Variants in BTRC observed in about 807,000 individuals in gnomAD.
The protein encoded by BTRC is beta-transducin repeat containing E3 ubiquitin protein ligase, also known as F-box/WD repeat-containing protein 1A.
BTRC carries 42 observed loss-of-function variants against 85.5 expected under a neutral mutation model. That is an observed-to-expected ratio of 0.49 (90% CI 0.38 to 0.64). The LOEUF is 0.64. Ranked by LOEUF, BTRC falls within the 30% of genes least tolerant of loss-of-function variation. BTRC has a pLI of 0.00. For missense variants in BTRC, 594 were observed against 743.5 expected, an observed-to-expected ratio of 0.80 and a Z score of 2.34; for synonymous variants, 255 against 263.3, an observed-to-expected ratio of 0.97 and a Z score of 0.30.
rs190790852 is a variant in BTRC, at chr10:101,382,337, A to C, written c.48+28109A>C. The stretch of plus-strand genomic sequence containing the variant: ...AAAAAATCCAGGATCCAATCATGTT[A>C]TATATAATATCTCTTTAGTTTCCTT... On this transcript the variant is annotated intron_variant, in intron 1 of 14. Transcript: ENST00000370187. Among the ~76,000 whole-genome samples, 323 of 152,116 alleles carry C rather than the reference A, an allele frequency of 2.1e-3. 3 individuals are homozygous for C. Among genetic ancestry groups the C allele is most frequent in the African/African-American group, 7.3e-3 (301 of 41,500 alleles).
chr10:101,519,935 C>T (rs1318474500), intron 4 of BTRC, among the ~76,000 whole-genome samples: 1 of 151,930 alleles, frequency 6.6e-6, no homozygotes, highest in Non-Finnish European at 1.5e-5. Flanking sequence ...GCAGAGGTTG[C>T]AGTGAGCCGA....
chr10:101,436,222 C>T (rs1031002869), intron 2 of BTRC, among the ~76,000 whole-genome samples: 1 of 151,938 alleles, frequency 6.6e-6, no homozygotes. Flanking sequence ...AAATGGTGAT[C>T]CTATAATCTA....
At chr10:101,537,019 G>C (rs769359871) in intron 12 of BTRC, among the ~76,000 whole-genome samples, 5 of 152,154 alleles carry the variant, frequency 3.3e-5, no homozygotes, top group Non-Finnish European at 5.9e-5. Flanking sequence ...AGTATTTGGG[G>C]ACTTAGTGTG....
At chr10:101,387,704 T>C (rs1365795918) in intron 1 of BTRC, among the ~76,000 whole-genome samples, 1 of 151,092 alleles carries the variant, frequency 6.6e-6, no homozygotes, top group African/African-American at 2.4e-5. Flanking sequence ...TTTTTTTTTT[T>C]CTTGAGACGG....
At chr10:101,427,528 TTTTC>T (rs1460022569) in intron 1 of BTRC, among the ~76,000 whole-genome samples, 14 of 151,164 alleles carry the variant, frequency 9.3e-5, no homozygotes, top group Admixed American at 7.9e-4. Context: ...TCTTACTTTC[TTTTC>T]TTTCTTCTTT....
intron 3 of BTRC, among the ~76,000 whole-genome samples, chr10:101,463,476 G>A (rs1263837601): frequency 6.6e-6 from 1 of 152,090 alleles, no homozygotes; most frequent in African/African-American, 2.4e-5. Flanking sequence ...CACCACACCT[G>A]GCCCTGTATT....
At chr10:101,402,702 A>T (rs1345393016) in intron 1 of BTRC, among the ~76,000 whole-genome samples, 2 of 152,212 alleles carry the variant, frequency 1.3e-5, no homozygotes, top group Non-Finnish European at 2.9e-5. Flanking sequence ...AAGTGTATAG[A>T]AATTAAGTGA....
chr10:101,366,940 ATATATATTTAT>A (rs1942442897), intron 1 of BTRC, among the ~76,000 whole-genome samples: 1 of 12,956 alleles, frequency 7.7e-5, no homozygotes, highest in South Asian at 1.6e-3. Flanking sequence ...ATATATATTT[ATATATATTTAT>A]ATATATATTT....
intron 3 of BTRC, among the ~76,000 whole-genome samples, chr10:101,473,465 C>CTTTTTTTT (rs869163139): frequency 8.3e-5 from 8 of 96,746 alleles, no homozygotes; most frequent in South Asian, 3.8e-4. Context: ...TCTTTTTTCT[C>CTTTTTTTT]TTTTTTTTTT....
intron 1 of BTRC, among the ~76,000 whole-genome samples, chr10:101,418,502 AATAC>A (rs1469095204): frequency 4.6e-5 from 3 of 64,766 alleles, no homozygotes; most frequent in Non-Finnish European, 1.5e-4. Flanking sequence ...ATGAATACTT[AATAC>A]TTATTTTCAA....
intron 4 of BTRC, among the ~76,000 whole-genome samples, chr10:101,519,718 A>G (rs1028213375): frequency 5.9e-5 from 9 of 152,126 alleles, no homozygotes; most frequent in African/African-American, 2.2e-4. Context: ...GGGACCAGCC[A>G]GGTGCAGTGG....
At chr10:101,521,993 C>T in intron 5 of BTRC, 123 bp downstream of exon 5, 1 of 222,220 alleles carries the variant, frequency 4.5e-6, no homozygotes, top group Non-Finnish European at 8.0e-6. Context: ...AGTTCCTTAA[C>T]TGTACCTTTT....
chr10:101,518,557 G>A (rs941195711), intron 4 of BTRC, among the ~76,000 whole-genome samples: 1 of 152,172 alleles, frequency 6.6e-6, no homozygotes, highest in African/African-American at 2.4e-5. Flanking sequence ...TAGCATTCAT[G>A]TAGAGGGAGG....
Position 101,461,967 on chromosome 10 carries a change from A to T in BTRC, c.157-14A>T, listed in dbSNP as rs769098517. On this transcript the variant is annotated splice_polypyrimidine_tract_variant and intron_variant, in intron 2 of 14. Coordinates refer to ENST00000370187, the MANE Select transcript of BTRC (RefSeq NM_033637.4). ...GATAATGAGAACTGAATTAAAGCTT[A>T]CTTTCTTTCACAGAATTCCTCAGAG... 1.1e-5 allele frequency: 18 copies of T among 1,586,548 alleles called. No homozygotes were observed. In the South Asian group the frequency reaches 2.0e-4, roughly 18 times the overall value.
At chr10:101,504,161 A>G (rs1365778109) in intron 4 of BTRC, among the ~76,000 whole-genome samples, 1 of 152,214 alleles carries the variant, frequency 6.6e-6, no homozygotes, top group Non-Finnish European at 1.5e-5. Flanking sequence ...CATCTAGGTG[A>G]ACAACCTCCA....
chr10:101,427,123 T>C (rs1422919549), intron 1 of BTRC, among the ~76,000 whole-genome samples: 2 of 145,532 alleles, frequency 1.4e-5, no homozygotes, highest in African/African-American at 2.5e-5. Context: ...CTTTTTTTTT[T>C]TTTTTTTTTT....
chr10:101,533,099 T>C, intron 9 of BTRC, 29 bp downstream of exon 9: 1 of 1,466,168 alleles, frequency 6.8e-7, no homozygotes, highest in Non-Finnish European at 9.6e-7. Flanking sequence ...TTTTTTGAAC[T>C]CTGAAATATC....
chr10:101,361,567 A>G (rs1021589158), intron 1 of BTRC, among the ~76,000 whole-genome samples: 6 of 152,232 alleles, frequency 3.9e-5, no homozygotes, highest in Non-Finnish European at 8.8e-5. Flanking sequence ...AAAATAGGCA[A>G]TGGAGGGGGG....
chr10:101,508,941 A>G (rs1946617643), intron 4 of BTRC, among the ~76,000 whole-genome samples: 1 of 151,050 alleles, frequency 6.6e-6, no homozygotes, highest in African/African-American at 2.4e-5. Context: ...AAAAAACTAA[A>G]AGTAGAATGT....
Sources: allele counts gnomAD v4.1 joint callset (sites outside exome capture counted in the v4.1 genomes callset), GRCh38; gene constraint gnomAD v4.1.1; transcripts MANE v1.5; gene names NCBI Gene and HGNC (gene_info 2026-07-23, HGNC 2026-07-21).